Variants in PTPRG observed in about 807,000 individuals in gnomAD.
PTPRG encodes protein tyrosine phosphatase receptor type G, also known as receptor-type tyrosine-protein phosphatase gamma.
Under a neutral mutation model 165.3 loss-of-function variants are expected in PTPRG, and 102 were observed. That is an observed-to-expected ratio of 0.62 (90% CI 0.53 to 0.73). The LOEUF (loss-of-function observed/expected upper bound fraction) is 0.73, where lower values mean the gene tolerates loss of function less well. Among genes scored for constraint, PTPRG ranks in the 30% least tolerant of loss-of-function variants. PTPRG has a pLI of 0.00. For synonymous variants in PTPRG, 675 were observed against 669.5 expected, an observed-to-expected ratio of 1.01 and a Z score of -0.13; for missense variants, 1,866 against 1,861.4, an observed-to-expected ratio of 1.00 and a Z score of -0.05.
chr3:61,939,928 CTTTTTTTTTTTTTTTTTTTTT>C (rs561334410), intron 2 of PTPRG, among the ~76,000 whole-genome samples: 32 of 39,108 alleles, frequency 8.2e-4, no homozygotes, highest in African/African-American at 1.7e-3. Context: ...ACTGACTTGT[CTTTTTTTTTTTTTTTTTTTTT>C]TTTTTTTTTT....
intron 2 of PTPRG, among the ~76,000 whole-genome samples, chr3:61,946,539 C>G (rs1275232750): frequency 1.3e-5 from 2 of 152,188 alleles, no homozygotes; most frequent in Non-Finnish European, 2.9e-5. Context: ...CAGAAGTGCC[C>G]TCTGTACTAC....
chr3:62,158,342 C>T (rs1436065253), intron 7 of PTPRG, among the ~76,000 whole-genome samples: 6 of 152,282 alleles, frequency 3.9e-5, no homozygotes, highest in Admixed American at 6.5e-5. Context: ...GAGCCAGGAA[C>T]GATGGGTAGG....
chr3:61,729,023 T>C (rs2032380430), intron 1 of PTPRG, among the ~76,000 whole-genome samples: 1 of 151,804 alleles, frequency 6.6e-6, no homozygotes, highest in African/African-American at 2.4e-5. Flanking sequence ...GATTGCACCG[T>C]TGTGCTCCAG....
In PTPRG at chr3:62,218,962, T is replaced by G. The variant is rs775174393; in HGVS notation, c.2267T>G (p.Ile756Ser). ...ACCTTCGTGTGCCTCATCCTTCTCA[T>G]TGCTGTGCTCGTTTACTGGAGGTAA... is the stretch of plus-strand genomic sequence containing the variant. ...ALTFVCLILLIAVLVYWRGCN... is the reference protein window; with the variant it reads ...ALTFVCLILLSAVLVYWRGCN... Residue 756 changes from isoleucine to serine, a missense_variant, in exon 13 of 30, where the codon ATT becomes AGT. By Grantham distance (142) the Ile-to-Ser change is moderately radical. Transcript: ENST00000474889. The G allele has an allele frequency of 6.2e-7, 1 of 1,614,046 alleles. No individual in the cohort carries two copies. The highest frequency in any genetic ancestry group is 1.1e-5 in the South Asian group (1 of 91,034).
chr3:62,198,270 G>A (rs543402432), intron 10 of PTPRG, among the ~76,000 whole-genome samples: 2 of 152,290 alleles, frequency 1.3e-5, no homozygotes, highest in Non-Finnish European at 2.9e-5. Context: ...TGGTGCAGTA[G>A]GGGTTATTTT....
At chr3:61,610,733 G>A (rs1239154106) in intron 1 of PTPRG, among the ~76,000 whole-genome samples, 1 of 142,230 alleles carries the variant, frequency 7.0e-6, no homozygotes, top group Admixed American at 7.0e-5. Context: ...TTCTCTCATT[G>A]CCTTCCTGCC....
At chr3:62,087,883 C>G (rs1179675080) in intron 5 of PTPRG, among the ~76,000 whole-genome samples, 2 of 152,168 alleles carry the variant, frequency 1.3e-5, no homozygotes, top group African/African-American at 4.8e-5. Flanking sequence ...TCCATAGTTA[C>G]AATCTTCGAT....
chr3:61,931,571 C>G (rs141243399), intron 2 of PTPRG, among the ~76,000 whole-genome samples: 2,459 of 152,318 alleles, frequency 0.016, 38 homozygotes, highest in Middle Eastern at 0.037. Context: ...ACTGCTCTTA[C>G]ACAAGTCAAG....
At chr3:61,986,588 A>C (rs2040768641) in intron 2 of PTPRG, among the ~76,000 whole-genome samples, 1 of 152,206 alleles carries the variant, frequency 6.6e-6, no homozygotes, top group Non-Finnish European at 1.5e-5. Flanking sequence ...TCATTTCTTT[A>C]AGACTTTCAT....
chr3:61,671,826 C>G (rs1484152005), intron 1 of PTPRG, among the ~76,000 whole-genome samples: 3 of 142,974 alleles, frequency 2.1e-5, no homozygotes. Context: ...GGGCTCCTCA[C>G]TTCCCAGTAG....
At chr3:61,567,800 A>G (rs548816209) in intron 1 of PTPRG, among the ~76,000 whole-genome samples, 1 of 152,190 alleles carries the variant, frequency 6.6e-6, no homozygotes, top group East Asian at 1.9e-4. Flanking sequence ...CATGTGCAAC[A>G]TGGTGAGACC....
At position 61,678,156 on chromosome 3, in the gene PTPRG, A is replaced by C. The variant is rs980548469; in HGVS notation, c.86-70722A>C. ...TGTTTCCAGTCTCATAAGCAAACCAAAGGCATGCGTGTGGCTGCCCTCCCG... is the reference window on the plus strand; with the variant it reads ...TGTTTCCAGTCTCATAAGCAAACCACAGGCATGCGTGTGGCTGCCCTCCCG... On this transcript the variant is annotated intron_variant, in intron 1 of 29. Transcript: ENST00000474889. Among the ~76,000 whole-genome samples, 3 of 152,268 alleles carry C rather than the reference A, an allele frequency of 2.0e-5. No homozygotes were observed. In the East Asian group the frequency reaches 5.8e-4, roughly 29 times the overall value.
intron 7 of PTPRG, among the ~76,000 whole-genome samples, chr3:62,160,810 A>C (rs1415009127): frequency 6.6e-6 from 1 of 152,042 alleles, no homozygotes; most frequent in Non-Finnish European, 1.5e-5. Context: ...GGTGCTATCA[A>C]AAAGGCAATA....
intron 5 of PTPRG, among the ~76,000 whole-genome samples, chr3:62,110,455 T>G (rs1347807840): frequency 6.6e-6 from 1 of 152,100 alleles, no homozygotes; most frequent in Non-Finnish European, 1.5e-5. Flanking sequence ...TGCCCTCTTA[T>G]GCTTCCATAA....
intron 2 of PTPRG, among the ~76,000 whole-genome samples, chr3:61,918,227 G>T (rs1219450763): frequency 6.6e-6 from 1 of 152,168 alleles, no homozygotes; most frequent in Non-Finnish European, 1.5e-5. Flanking sequence ...AAATTTTGAT[G>T]TCAATGTGAA....
At chr3:62,259,340 T>C (rs531024919) in intron 16 of PTPRG, among the ~76,000 whole-genome samples, 23 of 152,242 alleles carry the variant, frequency 1.5e-4, no homozygotes, top group Middle Eastern at 3.4e-3. Flanking sequence ...CTAGGCCACA[T>C]TGGAAGAAGA....
Position 61,858,949 on chromosome 3 carries a change from A to G in PTPRG, c.190+109967A>G, listed in dbSNP as rs80203928. 1.9e-3 allele frequency among the ~76,000 whole-genome samples: 282 copies of G among 152,290 alleles called. 1 individual carries two copies. The highest frequency in any genetic ancestry group is 6.5e-3 in the African/African-American group (270 of 41,572). On this transcript the variant is annotated intron_variant, in intron 2 of 29. Coordinates refer to ENST00000474889, the MANE Select transcript of PTPRG (RefSeq NM_002841.4). ...CTCCGTTTTCTTCCTGTTTGAGTAA[A>G]TAGCACTTCCAATGTTTTAAGTATG...
intron 5 of PTPRG, among the ~76,000 whole-genome samples, chr3:62,113,880 G>T (rs1251291131): frequency 6.6e-6 from 1 of 152,158 alleles, no homozygotes; most frequent in Non-Finnish European, 1.5e-5. Flanking sequence ...TTCATAGTAG[G>T]TAGCTATTTA....
rs1703001425 is a variant in PTPRG at position 62,294,547 on chromosome 3, C to T, written c.*1240C>T. On this transcript the variant is annotated 3_prime_UTR_variant, in exon 30 of 30. Transcript: ENST00000474889. ...GCTTTTGTGTAGTTTAGAACAGATA[C>T]ACATTAGTAAAAGATACCAATAATC... 6.6e-6 allele frequency: 1 copy of T among 151,810 alleles called. No homozygotes were observed. Among genetic ancestry groups the T allele is most frequent in the African/African-American group, 2.4e-5 (1 of 41,210 alleles). The allele number at this position is 151,810 out of a possible 1,614,324, so 9.4% of individuals were successfully genotyped here.
Sources: allele counts gnomAD v4.1 joint callset (sites outside exome capture counted in the v4.1 genomes callset), GRCh38; gene constraint gnomAD v4.1.1; transcripts MANE v1.5; gene names NCBI Gene and HGNC (gene_info 2026-07-23, HGNC 2026-07-21).